Variants in MCUB observed in about 807,000 individuals in gnomAD.
MCUB encodes the protein mitochondrial calcium uniporter dominant negative subunit beta, also known as calcium uniporter regulatory subunit MCUb, mitochondrial.
Under a neutral mutation model 41.4 loss-of-function variants are expected in MCUB, and 46 were observed. The ratio of observed to expected loss-of-function variants is 1.11; its 90% CI spans 0.88 to 1.42. MCUB has a LOEUF of 1.42. Among genes scored for constraint, MCUB ranks in the 40% most tolerant of loss-of-function variants. MCUB has a pLI of 0.00. For synonymous variants in MCUB, 148 were observed against 148.2 expected, an observed-to-expected ratio of 1.00 and a Z score of 0.01; for missense variants, 403 against 404.9, an observed-to-expected ratio of 1.00 and a Z score of 0.04.
At chr4:109,598,513 G>T (rs1484914196) in intron 1 of MCUB, among the ~76,000 whole-genome samples, 2 of 152,108 alleles carry the variant, frequency 1.3e-5, no homozygotes, top group Non-Finnish European at 2.9e-5. Context: ...GGAGAATCAG[G>T]CAGGGAGGTT....
chr4:109,612,116 G>A lies in MCUB; in HGVS notation c.100-46895G>A, dbSNP rs921309688. The stretch of plus-strand genomic sequence containing the variant: ...AGAGACATTTATTTCTCACATTCCC[G>A]GAGGCTGGAAAGTCCAACATCAAGG... On this transcript the variant is annotated intron_variant, in intron 1 of 7. Transcript: ENST00000394650. Among the ~76,000 whole-genome samples, 7 of 152,072 alleles carry A rather than the reference G, an allele frequency of 4.6e-5. No individual in the cohort carries two copies. In the South Asian group the frequency reaches 1.0e-3, roughly 22 times the overall value.
At chr4:109,573,867 ATTTTTTTT>A (rs70954166) in intron 1 of MCUB, among the ~76,000 whole-genome samples, 2 of 112,530 alleles carry the variant, frequency 1.8e-5, no homozygotes, top group South Asian at 3.0e-4. Flanking sequence ...AAAGGGTTGA[ATTTTTTTT>A]TTTTTTTTTT....
At chr4:109,574,008 G>T (rs1219289085) in intron 1 of MCUB, among the ~76,000 whole-genome samples, 1 of 151,262 alleles carries the variant, frequency 6.6e-6, no homozygotes, top group Admixed American at 6.6e-5. Context: ...AAGAAGCTAG[G>T]ATTACAGGCG....
intron 1 of MCUB, among the ~76,000 whole-genome samples, chr4:109,632,826 G>A (rs1199106133): frequency 6.6e-6 from 1 of 152,068 alleles, no homozygotes; most frequent in Non-Finnish European, 1.5e-5. Flanking sequence ...TGTTGGCCAG[G>A]CTGATCTCGA....
chr4:109,572,102 CTTTA>C (rs774787986), intron 1 of MCUB, among the ~76,000 whole-genome samples: 2 of 152,248 alleles, frequency 1.3e-5, no homozygotes, highest in Non-Finnish European at 2.9e-5. Flanking sequence ...TACAAGGAAA[CTTTA>C]TTTCTCTCTG....
At chr4:109,604,780 T>G (rs1478420265) in intron 1 of MCUB, among the ~76,000 whole-genome samples, 1 of 152,312 alleles carries the variant, frequency 6.6e-6, no homozygotes, top group East Asian at 1.9e-4. Context: ...GATGATACAG[T>G]TTTTCTTCAT....
chr4:109,576,257 C>T (rs113199385), intron 1 of MCUB, among the ~76,000 whole-genome samples: 73 of 152,264 alleles, frequency 4.8e-4, no homozygotes, highest in African/African-American at 1.7e-3. Flanking sequence ...ATGTAGTCTC[C>T]GTTAGAGACA....
At chr4:109,603,006 C>T (rs1045741644) in intron 1 of MCUB, among the ~76,000 whole-genome samples, 3 of 152,172 alleles carry the variant, frequency 2.0e-5, no homozygotes, top group Non-Finnish European at 4.4e-5. Flanking sequence ...TTGGCATAGA[C>T]AAATGCTACT....
At chr4:109,685,115 T>C (rs1729808744) in intron 6 of MCUB, 136 bp from the exon 7 acceptor site, 1 of 580,128 alleles carries the variant, frequency 1.7e-6, no homozygotes, top group African/African-American at 1.9e-5. Flanking sequence ...ATGCTTACTC[T>C]CATGGCCATT....
chr4:109,654,533 C>T (rs982587168), intron 1 of MCUB, among the ~76,000 whole-genome samples: 1 of 151,966 alleles, frequency 6.6e-6, no homozygotes, highest in African/African-American at 2.4e-5. Flanking sequence ...ATTGCTTGAG[C>T]CTGGGAGATG....
chr4:109,652,249 A>G (rs955953252), intron 1 of MCUB, among the ~76,000 whole-genome samples: 3 of 152,154 alleles, frequency 2.0e-5, no homozygotes, highest in African/African-American at 7.2e-5. Flanking sequence ...AGACTTCAAT[A>G]TATGAATTTG....
chr4:109,583,261 C>T (rs1482297134), intron 1 of MCUB, among the ~76,000 whole-genome samples: 1 of 152,074 alleles, frequency 6.6e-6, no homozygotes, highest in Non-Finnish European at 1.5e-5. Flanking sequence ...TGTAGTTGTC[C>T]TTGAAGAGGT....
chr4:109,684,890 G>T, intron 6 of MCUB: 1 of 431,216 alleles, frequency 2.3e-6, no homozygotes, highest in East Asian at 3.7e-5. Flanking sequence ...ATAAATATGT[G>T]TTCTCTGTGC....
chr4:109,641,251 C>T (rs1407242155), intron 1 of MCUB, among the ~76,000 whole-genome samples: 2 of 146,840 alleles, frequency 1.4e-5, no homozygotes, highest in South Asian at 4.3e-4. Flanking sequence ...CGCCATAACA[C>T]CCGGCTACTT....
At chr4:109,618,601 C>T (rs971374659) in intron 1 of MCUB, among the ~76,000 whole-genome samples, 6 of 152,188 alleles carry the variant, frequency 3.9e-5, no homozygotes, top group African/African-American at 9.6e-5. Flanking sequence ...TATACTTTAA[C>T]GTAACTAAAT....
chr4:109,589,995 T>G (rs1027025737), intron 1 of MCUB, among the ~76,000 whole-genome samples: 4 of 152,212 alleles, frequency 2.6e-5, no homozygotes, highest in African/African-American at 9.6e-5. Flanking sequence ...ATCAACCAAT[T>G]TGTCTAGTGG....
At chr4:109,668,273 T>A (rs1729388188) in intron 4 of MCUB, among the ~76,000 whole-genome samples, 1 of 152,120 alleles carries the variant, frequency 6.6e-6, no homozygotes, top group Admixed American at 6.5e-5. Context: ...CTATTTCTTC[T>A]TGTAGTTCTA....
At chr4:109,595,841 G>A (rs1376205557) in intron 1 of MCUB, among the ~76,000 whole-genome samples, 1 of 152,170 alleles carries the variant, frequency 6.6e-6, no homozygotes. Flanking sequence ...GTAGGGGTGG[G>A]GGTAATATCA....
At chr4:109,674,935 C>T (rs1729539769) in intron 4 of MCUB, among the ~76,000 whole-genome samples, 2 of 152,198 alleles carry the variant, frequency 1.3e-5, no homozygotes, top group South Asian at 4.1e-4. Context: ...TGATTAATGA[C>T]TTACGAGCAA....
Sources: gnomAD v4.1 joint callset for allele counts (sites outside exome capture counted in the v4.1 genomes callset) on GRCh38, gnomAD v4.1.1 for gene constraint, MANE v1.5 for transcripts, NCBI Gene and HGNC (gene_info 2026-07-23, HGNC 2026-07-21) for gene names.